DLC1: variants seen among roughly 807,000 people sequenced by gnomAD.
DLC1 encodes DLC1 Rho GTPase activating protein.
In DLC1, 54 loss-of-function variants were observed where a neutral mutation model predicts 140.3. The observed-to-expected ratio is 0.38, with a 90% CI of 0.31 to 0.48. The LOEUF (loss-of-function observed/expected upper bound fraction) is 0.48, where lower values mean the gene tolerates loss of function less well. Among genes scored for constraint, DLC1 ranks in the 20% least tolerant of loss-of-function variants. The pLI is 0.96. For missense variants in DLC1, 2,536 were observed against 1,907.0 expected, an observed-to-expected ratio of 1.33 and a Z score of -6.14; for synonymous variants, 986 against 728.1, an observed-to-expected ratio of 1.35 and a Z score of -5.70.
At chr8:13,308,731 C>A (rs766478700) in intron 4 of DLC1, among the ~76,000 whole-genome samples, 1 of 152,108 alleles carries the variant, frequency 6.6e-6, no homozygotes. Flanking sequence ...TTAGTCACAT[C>A]ACTGGTGTGT....
chr8:13,491,052 C>G (rs28676995), intron 2 of DLC1, among the ~76,000 whole-genome samples: 3,471 of 146,778 alleles, frequency 0.024, 147 homozygotes, highest in African/African-American at 0.081. Context: ...AATATATATT[C>G]TGAGTGAGGG....
At chr8:13,448,755 C>G (rs1163448476) in intron 2 of DLC1, among the ~76,000 whole-genome samples, 1 of 152,074 alleles carries the variant, frequency 6.6e-6, no homozygotes, top group Non-Finnish European at 1.5e-5. Flanking sequence ...TTAATTTTGC[C>G]TTTTAATTTC....
At chr8:13,453,721 C>T (rs928669960) in intron 2 of DLC1, among the ~76,000 whole-genome samples, 1 of 150,294 alleles carries the variant, frequency 6.7e-6, no homozygotes, top group Non-Finnish European at 1.5e-5. Flanking sequence ...TTTTATTCAA[C>T]GTCCTGTAAT....
At chr8:13,550,299 G>T (rs1585264761) in intron 1 of DLC1, among the ~76,000 whole-genome samples, 1 of 152,096 alleles carries the variant, frequency 6.6e-6, no homozygotes, top group East Asian at 1.9e-4. Flanking sequence ...CTGCTGCCAT[G>T]TGAAGAAGGT....
chr8:13,599,560 C>A (rs1332828723), intron 1 of DLC1, among the ~76,000 whole-genome samples: 3 of 151,834 alleles, frequency 2.0e-5, no homozygotes, highest in African/African-American at 7.2e-5. Context: ...GAACAAAGAA[C>A]AAACCAAGAA....
intron 5 of DLC1, among the ~76,000 whole-genome samples, chr8:13,164,435 A>T (rs1332801789): frequency 6.6e-6 from 1 of 152,154 alleles, no homozygotes; most frequent in Non-Finnish European, 1.5e-5. Context: ...TCCAATGTAG[A>T]ATGATCATAT....
At chr8:13,417,940 T>G (rs1393037097) in intron 2 of DLC1, among the ~76,000 whole-genome samples, 1 of 152,240 alleles carries the variant, frequency 6.6e-6, no homozygotes, top group Admixed American at 6.5e-5. Flanking sequence ...ATTGTGGTTT[T>G]GATTTGCATT....
intron 5 of DLC1, among the ~76,000 whole-genome samples, chr8:13,163,945 C>T (rs1036340502): frequency 9.2e-5 from 14 of 152,018 alleles, no homozygotes; most frequent in African/African-American, 3.1e-4. Flanking sequence ...TTCAAGGCTT[C>T]AGTGAGCCAT....
At chr8:13,473,692 G>A (rs1800312791) in intron 2 of DLC1, among the ~76,000 whole-genome samples, 1 of 152,118 alleles carries the variant, frequency 6.6e-6, no homozygotes. Context: ...GGTCTCAGAT[G>A]GAAATGAGGA....
At chr8:13,230,495 T>C (rs947663462) in intron 5 of DLC1, among the ~76,000 whole-genome samples, 2 of 152,188 alleles carry the variant, frequency 1.3e-5, no homozygotes, top group African/African-American at 2.4e-5. Flanking sequence ...CTTTCAGGTT[T>C]TGATAACTTG....
intron 4 of DLC1, among the ~76,000 whole-genome samples, chr8:13,316,788 C>T: frequency 6.6e-6 from 1 of 152,170 alleles, no homozygotes; most frequent in East Asian, 1.9e-4. Flanking sequence ...TCAGCTCAGC[C>T]ACTACTAACC....
At chr8:13,410,631 A>T (rs553395428) in intron 2 of DLC1, among the ~76,000 whole-genome samples, 1 of 150,952 alleles carries the variant, frequency 6.6e-6, no homozygotes, top group East Asian at 1.9e-4. Context: ...TAACTAAAAA[A>T]AGAAATGAGC....
At position 13,449,476 on chromosome 8, in the gene DLC1, A is replaced by T. The variant is rs191154424; in HGVS notation, c.1024-47857T>A. Among the ~76,000 whole-genome samples, 417 of 152,328 alleles carry T rather than the reference A, an allele frequency of 2.7e-3. 2 individuals are homozygous for T. The highest frequency in any genetic ancestry group is 4.6e-3 in the Non-Finnish European group (310 of 68,032). ...TTATCTATTATGTACTGGCTATAGG[A>T]TGCATCATTGGCAAACACAAGACAG... On this transcript the variant is annotated intron_variant, in intron 2 of 17. Coordinates refer to ENST00000276297, the MANE Select transcript of DLC1 (RefSeq NM_182643.3).
intron 4 of DLC1, among the ~76,000 whole-genome samples, chr8:13,356,170 C>A (rs569683779): frequency 6.8e-6 from 1 of 146,028 alleles, no homozygotes; most frequent in Admixed American, 6.9e-5. Flanking sequence ...GAGTTTAATT[C>A]GAATAATAAC....
intron 5 of DLC1, among the ~76,000 whole-genome samples, chr8:13,270,525 G>T (rs77926273): frequency 6.6e-6 from 1 of 152,096 alleles, no homozygotes; most frequent in African/African-American, 2.4e-5. Context: ...AACGTGCTTA[G>T]GAAAACTTTC....
chr8:13,469,694 A>T (rs570479663), intron 2 of DLC1, among the ~76,000 whole-genome samples: 1 of 152,340 alleles, frequency 6.6e-6, no homozygotes, highest in South Asian at 2.1e-4. Flanking sequence ...TGCAATAATA[A>T]ATGATTGAAA....
chr8:13,161,487 C>A (rs113756808), intron 5 of DLC1, among the ~76,000 whole-genome samples: 1 of 152,146 alleles, frequency 6.6e-6, no homozygotes, highest in South Asian at 2.1e-4. Flanking sequence ...ACTACAGGCA[C>A]GCACCACCAC....
chr8:13,104,653 G>A (rs1416968288), intron 7 of DLC1, among the ~76,000 whole-genome samples: 2 of 152,084 alleles, frequency 1.3e-5, no homozygotes, highest in East Asian at 3.9e-4. Flanking sequence ...ACCTCCTCAG[G>A]GCTTTATCTT....
chr8:13,403,318 A>T (rs1486265094), intron 2 of DLC1, among the ~76,000 whole-genome samples: 2 of 152,232 alleles, frequency 1.3e-5, no homozygotes, highest in African/African-American at 2.4e-5. Context: ...TCACTGCTAC[A>T]GAGCTTTGTT....
Sources: gnomAD v4.1 joint callset for allele counts (sites outside exome capture counted in the v4.1 genomes callset) on GRCh38, gnomAD v4.1.1 for gene constraint, MANE v1.5 for transcripts, NCBI Gene and HGNC (gene_info 2026-07-23, HGNC 2026-07-21) for gene names.